Variants in ITSN1 observed in about 807,000 individuals in gnomAD.
The protein encoded by ITSN1 is intersectin 1, also known as intersectin-1.
ITSN1 carries 58 observed loss-of-function variants against 239.8 expected under a neutral mutation model. The observed-to-expected ratio is 0.24, with a 90% CI of 0.20 to 0.30. The LOEUF (loss-of-function observed/expected upper bound fraction) is 0.30, where lower values mean the gene tolerates loss of function less well. Among genes scored for constraint, ITSN1 ranks in the 10% least tolerant of loss-of-function variants. ITSN1 has a pLI of 1.00. For missense variants in ITSN1, 1,558 were observed against 2,103.3 expected, an observed-to-expected ratio of 0.74 and a Z score of 5.07; for synonymous variants, 780 against 770.8, an observed-to-expected ratio of 1.01 and a Z score of -0.20.
In ITSN1 at chr21:33,811,074, A is replaced by G; in HGVS notation, c.2419A>G (p.Asn807Asp). ...PANYAEKIPE[N>D]EVPAPVKPVT... Reference sequence around the variant, plus strand: ...AAACTATGCAGAGAAAATCCCAGAAAATGAGGTTCCCGCTCCAGTGAAACC... The same window carrying G: ...AAACTATGCAGAGAAAATCCCAGAAGATGAGGTTCCCGCTCCAGTGAAACC... Residue 807 changes from asparagine to aspartate, a missense_variant, in exon 21 of 40, where the codon AAT becomes GAT. Asn to Asp is a conservative substitution (Grantham distance 23). Transcript: ENST00000381318. The G allele has an allele frequency of 6.2e-7, 1 of 1,614,206 alleles. No homozygotes were observed. The highest frequency in any genetic ancestry group is 8.5e-7 in the Non-Finnish European group (1 of 1,180,038).
chr21:33,643,027 C>T (rs1456354867), intron 1 of ITSN1, among the ~76,000 whole-genome samples: 4 of 149,158 alleles, frequency 2.7e-5, no homozygotes, highest in African/African-American at 9.8e-5. Context: ...GCGGCCCCGC[C>T]GCCGAGCGGG....
Position 33,813,944 on chromosome 21 carries a change from A to G in ITSN1, c.2599A>G (p.Thr867Ala). 1 of 1,613,948 alleles carries G rather than the reference A, an allele frequency of 6.2e-7. No individual in the cohort carries two copies. The highest frequency in any genetic ancestry group is 8.5e-7 in the Non-Finnish European group (1 of 1,179,980). ...WPTSTNEKPE[T>A]DNWDAWAAQP... ...CACCAGCACGAATGAGAAACCAGAA[A>G]CGGATAACTGGGATGCATGGGCAGC... The change falls in exon 22 of 40, where the codon ACG becomes GCG. Residue 867 changes from threonine (T) to alanine (A), a missense_variant. Around this residue, in one of 2 missense-constraint regions of ITSN1, gnomAD observed 982 missense variants for 1,209.9 expected, o/e 0.81. Transcript: ENST00000381318.
chr21:33,767,658 A>C, intron 10 of ITSN1, 55 bp from the exon 11 acceptor site: 1 of 977,710 alleles, frequency 1.0e-6, no homozygotes, highest in Non-Finnish European at 1.6e-6. Flanking sequence ...AACTTGTCCA[A>C]CTCCACCCAG....
chr21:33,660,419 C>T (rs1336414109), intron 1 of ITSN1, among the ~76,000 whole-genome samples: 1 of 152,134 alleles, frequency 6.6e-6, no homozygotes, highest in Admixed American at 6.5e-5. Context: ...AAGAAATTTA[C>T]ACTTAAAATA....
intron 1 of ITSN1, among the ~76,000 whole-genome samples, chr21:33,665,652 A>G (rs888011562): frequency 2.0e-5 from 3 of 152,148 alleles, no homozygotes; most frequent in South Asian, 2.1e-4. Context: ...AAAAGAAAAC[A>G]GGTGTTCAAA....
chr21:33,785,154 C>T (rs1415469914), intron 16 of ITSN1, among the ~76,000 whole-genome samples: 1 of 152,182 alleles, frequency 6.6e-6, no homozygotes, highest in East Asian at 1.9e-4. Context: ...TACTGTAACA[C>T]TGGAGGAATA....
At position 33,882,659 on chromosome 21, in the gene ITSN1, GA is replaced by G. The variant is rs1985119029; in HGVS notation, c.4554+206del. On this transcript the variant is annotated intron_variant, in intron 35 of 39. Coordinates refer to ENST00000381318, the MANE Select transcript of ITSN1 (RefSeq NM_003024.3). This position sits in a 1 kb window ranked among gnomAD's most constrained non-coding sequence, Gnocchi z 4.5. ...TCAGTGACACTCAGTGCTATCGGTG[GA>G]ACATATTGGCTGCCAAATGGCTGCT... Among the ~76,000 whole-genome samples, 2 of 152,254 alleles carry G rather than the reference GA, an allele frequency of 1.3e-5. No homozygotes were observed. Among genetic ancestry groups the G allele is most frequent in the African/African-American group, 4.8e-5 (2 of 41,562 alleles).
chr21:33,665,672 G>A (rs907381248), intron 1 of ITSN1, among the ~76,000 whole-genome samples: 1 of 152,098 alleles, frequency 6.6e-6, no homozygotes. Context: ...ACAAAAACTT[G>A]TACATAATAT....
chr21:33,852,372 A>T (rs1978482952), intron 29 of ITSN1, among the ~76,000 whole-genome samples: 1 of 152,008 alleles, frequency 6.6e-6, no homozygotes, highest in African/African-American at 2.4e-5. Context: ...AGGTGTGGAG[A>T]TGGGTGAGGT....
intron 1 of ITSN1, among the ~76,000 whole-genome samples, chr21:33,682,406 G>T (rs919165892): frequency 1.3e-5 from 2 of 151,742 alleles, no homozygotes; most frequent in African/African-American, 4.8e-5. Context: ...GTAGAGGCGG[G>T]GTTTCTCCAT....
In ITSN1 at chr21:33,730,388, C is replaced by CTTTTTTTTTTTTT. The variant is rs71194863; in HGVS notation, c.186-4640_186-4628dup. On this transcript the variant is annotated intron_variant, in intron 4 of 39. Transcript: ENST00000381318. ...TAACCTGCTATAAATGCTCTCTGTT[C>CTTTTTTTTTTTTT]TTTTTTTTTTTTTTTTTTTTTTTTT... is the stretch of plus-strand genomic sequence containing the variant. 8.1e-5 allele frequency among the ~76,000 whole-genome samples: 4 copies of CTTTTTTTTTTTTT among 49,348 alleles called. 1 individual carries two copies. The highest frequency in any genetic ancestry group is 2.4e-4 in the African/African-American group (3 of 12,524). 32.4% of individuals were successfully genotyped at this position (49,348 alleles called of 152,430 possible).
intron 21 of ITSN1, among the ~76,000 whole-genome samples, chr21:33,813,577 T>G (rs2148213874): frequency 6.6e-6 from 1 of 152,192 alleles, no homozygotes; most frequent in South Asian, 2.1e-4. Context: ...GGTCTCGAAC[T>G]CTTGACCTCA....
intron 1 of ITSN1, among the ~76,000 whole-genome samples, chr21:33,677,945 C>T (rs988492800): frequency 6.6e-6 from 1 of 152,220 alleles, no homozygotes; most frequent in African/African-American, 2.4e-5. Flanking sequence ...CTTTGTCTCT[C>T]CCTGTAATCT....
intron 2 of ITSN1, 100 bp downstream of exon 2, chr21:33,718,956 A>C (rs564875898): frequency 2.2e-6 from 2 of 903,620 alleles, no homozygotes; most frequent in Non-Finnish European, 3.6e-6. Context: ...AGAAAATAAT[A>C]TAATCAGCAT....
At chr21:33,855,229 C>T (rs1439146163) in intron 29 of ITSN1, among the ~76,000 whole-genome samples, 1 of 152,232 alleles carries the variant, frequency 6.6e-6, no homozygotes, top group Non-Finnish European at 1.5e-5. Flanking sequence ...AAAAAACAAT[C>T]CTCTGGAGAG....
At chr21:33,836,374 C>T in intron 28 of ITSN1, 67 bp from the exon 29 acceptor site, 1 of 1,179,424 alleles carries the variant, frequency 8.5e-7, no homozygotes, top group Non-Finnish European at 1.2e-6. Context: ...TGTTGAATGG[C>T]TGCGCGGTAC....
intron 19 of ITSN1, 45 bp downstream of exon 19, chr21:33,799,974 C>T (rs1461744619): frequency 6.3e-6 from 10 of 1,577,358 alleles, no homozygotes; most frequent in Non-Finnish European, 7.7e-6. Context: ...TGAAGATTAG[C>T]CTCTGTCCTC....
rs1986269667 is a variant in ITSN1 at position 33,890,261 on chromosome 21, T to C, written c.*1961T>C. 1 of 152,242 alleles carries C rather than the reference T, an allele frequency of 6.6e-6. No individual in the cohort carries two copies. 9.4% of individuals were successfully genotyped at this position (152,242 alleles called of 1,614,324 possible). On this transcript the variant is annotated 3_prime_UTR_variant, in exon 40 of 40. Transcript: ENST00000381318. ...TGCTACCATGGTAGAAAGAAAAGTA[T>C]TCAATGTGTAAATGGGGTAGTGTGG... is the stretch of plus-strand genomic sequence containing the variant.
At chr21:33,796,401 C>G (rs1273443797) in intron 17 of ITSN1, among the ~76,000 whole-genome samples, 2 of 152,178 alleles carry the variant, frequency 1.3e-5, no homozygotes, top group African/African-American at 4.8e-5. Context: ...AGTTTAAAGA[C>G]TTCTGCATTA....
Sources: allele counts gnomAD v4.1 joint callset (sites outside exome capture counted in the v4.1 genomes callset), GRCh38; gene constraint gnomAD v4.1.1; regional missense constraint gnomAD v4.1.1; non-coding constraint Gnocchi (gnomAD v3.1); transcripts MANE v1.5; gene names NCBI Gene and HGNC (gene_info 2026-07-23, HGNC 2026-07-21).